The following DTNBP1 variants were observed in gnomAD, a reference collection of about 807,000 sequenced individuals.
DTNBP1 encodes the protein dysbindin.
DTNBP1 carries 35 observed loss-of-function variants against 42.8 expected under a neutral mutation model. That is an observed-to-expected ratio of 0.82 (90% CI 0.63 to 1.09). DTNBP1 has a LOEUF of 1.09. DTNBP1 is among the 50% of genes least tolerant of loss of function. The probability of loss-of-function intolerance (pLI) is 0.00; values close to 1 mark genes in which losing one functional copy is unlikely to be tolerated. For missense variants in DTNBP1, 457 were observed against 424.2 expected, an observed-to-expected ratio of 1.08 and a Z score of -0.68; for synonymous variants, 171 against 162.2, an observed-to-expected ratio of 1.05 and a Z score of -0.41.
intron 3 of DTNBP1, among the ~76,000 whole-genome samples, chr6:15,649,398 C>T (rs1179739143): frequency 2.6e-5 from 4 of 152,034 alleles, no homozygotes; most frequent in Non-Finnish European, 5.9e-5. Flanking sequence ...TGAAATAAGC[C>T]GGTCACACAC....
chr6:15,526,452 C>G (rs566898046), intron 8 of DTNBP1, among the ~76,000 whole-genome samples: 2 of 152,214 alleles, frequency 1.3e-5, no homozygotes, highest in African/African-American at 4.8e-5. Context: ...CAGAAAATCA[C>G]TAAAGTTCAG....
intron 3 of DTNBP1, among the ~76,000 whole-genome samples, chr6:15,638,347 C>T (rs1461130399): frequency 6.6e-6 from 1 of 151,914 alleles, no homozygotes; most frequent in African/African-American, 2.4e-5. Flanking sequence ...AGGCTGGTCT[C>T]GAACTCCTGA....
In DTNBP1 at chr6:15,533,501, G is replaced by A. The variant is rs944761352; in HGVS notation, c.512-106C>T. The A allele has an allele frequency of 5.1e-6, 8 of 1,574,738 alleles. No homozygotes were observed. In the Admixed American group the frequency reaches 8.3e-5, roughly 16 times the overall value. On this transcript the variant is annotated intron_variant, in intron 7 of 9. Coordinates refer to ENST00000344537, the MANE Select transcript of DTNBP1 (RefSeq NM_032122.5). ...CCCTCCAAGTGGATGGAGTCATGCC[G>A]CGTTTACAGACTGGGCTGGTGCCCC...
chr6:15,614,852 C>T (rs1176037401), intron 6 of DTNBP1, among the ~76,000 whole-genome samples: 1 of 152,112 alleles, frequency 6.6e-6, no homozygotes, highest in East Asian at 1.9e-4. Flanking sequence ...AGTGTGTGAC[C>T]GAGCTGAGAT....
rs1294032440 is a variant in DTNBP1 at position 15,587,544 on chromosome 6, T to C, written c.511+5515A>G. On this transcript the variant is annotated intron_variant, in intron 7 of 9. Coordinates refer to ENST00000344537, the MANE Select transcript of DTNBP1 (RefSeq NM_032122.5). This position sits in a 1 kb window ranked among gnomAD's most constrained non-coding sequence, Gnocchi z 4.1. ...TACACTAGTCAAGGCAGTGTGGCACTGGCAATAAGGAACAAAGTTGAGAGT... is the reference window on the plus strand; with the variant it reads ...TACACTAGTCAAGGCAGTGTGGCACCGGCAATAAGGAACAAAGTTGAGAGT... 2.0e-5 allele frequency among the ~76,000 whole-genome samples: 3 copies of C among 152,224 alleles called. No individual in the cohort carries two copies. Among genetic ancestry groups the C allele is most frequent in the African/African-American group, 7.2e-5 (3 of 41,458 alleles).
At chr6:15,628,677 G>T (rs1488873114) in intron 4 of DTNBP1, among the ~76,000 whole-genome samples, 1 of 152,100 alleles carries the variant, frequency 6.6e-6, no homozygotes, top group East Asian at 1.9e-4. Context: ...AAAGTGTTAG[G>T]ATTACAGGCA....
chr6:15,581,832 T>C (rs1042939669), intron 7 of DTNBP1, among the ~76,000 whole-genome samples: 3 of 152,144 alleles, frequency 2.0e-5, no homozygotes, highest in Admixed American at 6.6e-5. Flanking sequence ...TAGAGAAGAT[T>C]TGACTTTAAG....
At chr6:15,580,495 G>A (rs1438999856) in intron 7 of DTNBP1, among the ~76,000 whole-genome samples, 1 of 152,180 alleles carries the variant, frequency 6.6e-6, no homozygotes, top group Non-Finnish European at 1.5e-5. Flanking sequence ...CATAAAACTG[G>A]CAACTACCTA....
chr6:15,618,546 A>G (rs955873072), intron 5 of DTNBP1, among the ~76,000 whole-genome samples: 4 of 151,526 alleles, frequency 2.6e-5, no homozygotes, highest in Non-Finnish European at 5.9e-5. Flanking sequence ...AAAAAAAAAG[A>G]ATAGCTATTA....
intron 8 of DTNBP1, among the ~76,000 whole-genome samples, chr6:15,529,889 T>C (rs183576970): frequency 1.3e-5 from 2 of 151,820 alleles, no homozygotes; most frequent in Non-Finnish European, 2.9e-5. Flanking sequence ...GTGGGGCATG[T>C]GGTGGGGCCC....
At position 15,663,024 on chromosome 6, in the gene DTNBP1, A is replaced by T; in HGVS notation, c.-155T>A. The stretch of plus-strand genomic sequence containing the variant: ...GTCTGGTCCTCGCCGCCGCGCCGCA[A>T]CCCCAGCCCCTTCCGCGTTCCCGCC... On this transcript the variant is annotated 5_prime_UTR_variant, in exon 1 of 10. It adds an upstream start codon to the 5' untranslated region. Coordinates refer to ENST00000344537, the MANE Select transcript of DTNBP1 (RefSeq NM_032122.5). 1 of 1,015,662 alleles carries T rather than the reference A, an allele frequency of 9.8e-7. No individual in the cohort carries two copies. The highest frequency in any genetic ancestry group is 1.4e-6 in the Non-Finnish European group (1 of 733,292). 62.9% of individuals were successfully genotyped at this position (1,015,662 alleles called of 1,614,324 possible).
chr6:15,638,463 T>C (rs550066360), intron 3 of DTNBP1, among the ~76,000 whole-genome samples: 2 of 152,238 alleles, frequency 1.3e-5, no homozygotes, highest in East Asian at 1.9e-4. Flanking sequence ...AAATCTCCAA[T>C]TGGTAAACAC....
At chr6:15,524,271 CAAG>C (rs1561931698) in intron 9 of DTNBP1, 5 of 1,604,058 alleles carry the variant, frequency 3.1e-6, no homozygotes, top group Middle Eastern at 2.3e-4. Context: ...GGAAAACAAA[CAAG>C]AAAGCTCTCA....
At chr6:15,523,563 T>C (rs1251168773) in intron 9 of DTNBP1, 12 of 267,776 alleles carry the variant, frequency 4.5e-5, no homozygotes, top group Non-Finnish European at 6.2e-5. Flanking sequence ...TCTAGATTTC[T>C]TTTTTTTTTT....
intron 4 of DTNBP1, among the ~76,000 whole-genome samples, chr6:15,636,400 C>T (rs1376753303): frequency 1.3e-5 from 2 of 152,136 alleles, no homozygotes; most frequent in Non-Finnish European, 1.5e-5. Context: ...ATCCACCCAC[C>T]TTGGCCTCCC....
intron 1 of DTNBP1, among the ~76,000 whole-genome samples, chr6:15,654,981 G>A (rs1410779939): frequency 6.6e-6 from 1 of 152,208 alleles, no homozygotes; most frequent in African/African-American, 2.4e-5. Context: ...CACAGGTATA[G>A]TAGGCAAGTC....
At chr6:15,570,314 C>A (rs1775287387) in intron 7 of DTNBP1, among the ~76,000 whole-genome samples, 1 of 152,158 alleles carries the variant, frequency 6.6e-6, no homozygotes, top group Non-Finnish European at 1.5e-5. Context: ...TTTTCTGTTT[C>A]TTCCTTGTAG....
At chr6:15,581,770 C>T (rs914383868) in intron 7 of DTNBP1, among the ~76,000 whole-genome samples, 5 of 152,106 alleles carry the variant, frequency 3.3e-5, no homozygotes, top group African/African-American at 9.7e-5. Context: ...TGAGCCATCG[C>T]GCCCAGGCAG....
chr6:15,528,089 C>T lies in DTNBP1; in HGVS notation c.668-3420G>A, dbSNP rs932005204. ...TCCGTGCAGAAACTTACTGCAATTC[C>T]GCTCAAACTGTAGACAAGGTTCGTC... On this transcript the variant is annotated intron_variant, in intron 8 of 9. Transcript: ENST00000344537. Among the ~76,000 whole-genome samples the T allele has an allele frequency of 9.9e-5, 15 of 152,270 alleles. 1 individual carries two copies. The highest frequency in any genetic ancestry group is 3.3e-4 in the Admixed American group (5 of 15,288).
Sources: gnomAD v4.1 joint callset for allele counts (sites outside exome capture counted in the v4.1 genomes callset) on GRCh38, gnomAD v4.1.1 for gene constraint, Gnocchi (gnomAD v3.1) non-coding constraint, MANE v1.5 for transcripts, NCBI Gene and HGNC (gene_info 2026-07-23, HGNC 2026-07-21) for gene names.